The following POU6F2 variants were observed in gnomAD, a reference collection of about 807,000 sequenced individuals.
POU6F2 encodes the protein POU class 6 homeobox 2, also known as POU domain, class 6, transcription factor 2.
A neutral mutation model predicts 71.3 loss-of-function variants in POU6F2; 31 were observed. The observed-to-expected ratio is 0.43, with a 90% CI of 0.33 to 0.59. The LOEUF is 0.59. Among genes scored for constraint, POU6F2 ranks in the 20% least tolerant of loss-of-function variants. The pLI, the probability that POU6F2 is intolerant of heterozygous loss-of-function variation, is 0.04. For synonymous variants in POU6F2, 347 were observed against 355.7 expected (o/e 0.98, Z 0.27); for missense variants, 783 against 856.8 (o/e 0.91, Z 1.07).
At chr7:39,162,530 C>T (rs1170747627) in intron 2 of POU6F2, among the ~76,000 whole-genome samples, 2 of 152,144 alleles carry the variant, frequency 1.3e-5, no homozygotes, top group African/African-American at 2.4e-5. Flanking sequence ...GCTTTTTCCA[C>T]GATCAGATAG....
chr7:39,269,528 A>G (rs1364980707), intron 4 of POU6F2, among the ~76,000 whole-genome samples: 1 of 152,220 alleles, frequency 6.6e-6, no homozygotes, highest in Non-Finnish European at 1.5e-5. Context: ...TGGATAGTTG[A>G]GGCTAAGCTA....
At position 39,116,759 on chromosome 7, in the gene POU6F2, G is replaced by A. The variant is rs1791938634; in HGVS notation, c.277+30728G>A. Among the ~76,000 whole-genome samples the A allele has an allele frequency of 2.6e-5, 4 of 151,962 alleles. No individual in the cohort carries two copies. The South Asian group carries it at 8.3e-4, about 32-fold the overall frequency. On this transcript the variant is annotated intron_variant, in intron 2 of 9. Transcript: ENST00000518318. ...TTTGTCTCCCCTCCCTCCAGTGTTA[G>A]ATATCCTGATGACCTCCCTCCTTCC...
At chr7:39,053,799 C>A (rs1287803697) in intron 1 of POU6F2, among the ~76,000 whole-genome samples, 2 of 151,752 alleles carry the variant, frequency 1.3e-5, no homozygotes, top group African/African-American at 4.8e-5. Flanking sequence ...AATAGAACAA[C>A]AAAATGAAAT....
intron 5 of POU6F2, among the ~76,000 whole-genome samples, chr7:39,388,706 C>A (rs570979391): frequency 4.7e-4 from 72 of 152,162 alleles, no homozygotes; most frequent in African/African-American, 1.6e-3. Context: ...CTGAGAAAAA[C>A]AAAAATCAAA....
At chr7:39,272,136 C>T (rs563738285) in intron 4 of POU6F2, among the ~76,000 whole-genome samples, 1 of 152,142 alleles carries the variant, frequency 6.6e-6, no homozygotes, top group Non-Finnish European at 1.5e-5. Context: ...AGAAATAACC[C>T]AGGATCATAG....
chr7:39,300,667 C>T (rs998930357), intron 4 of POU6F2, among the ~76,000 whole-genome samples: 1 of 152,040 alleles, frequency 6.6e-6, no homozygotes, highest in Non-Finnish European at 1.5e-5. Context: ...CTCTCCTTGG[C>T]TTGCAGATGG....
intron 2 of POU6F2, among the ~76,000 whole-genome samples, chr7:39,144,925 C>T (rs1349365556): frequency 1.3e-5 from 2 of 152,124 alleles, no homozygotes; most frequent in African/African-American, 4.8e-5. Flanking sequence ...CACTGGAGTT[C>T]AAGTGGCCCA....
chr7:39,344,652 C>A (rs1583540194), intron 5 of POU6F2, among the ~76,000 whole-genome samples: 1 of 28,884 alleles, frequency 3.5e-5, no homozygotes, highest in East Asian at 2.7e-3. Context: ...CAAACCCCCT[C>A]CCCCCCCAGC....
At chr7:39,225,314 G>A (rs569642276) in intron 4 of POU6F2, among the ~76,000 whole-genome samples, 24 of 152,186 alleles carry the variant, frequency 1.6e-4, no homozygotes, top group Admixed American at 2.6e-4. Flanking sequence ...GCTAAAGCTC[G>A]AAAAGAGGGC....
At chr7:39,204,124 C>A in intron 2 of POU6F2, 111 bp from the exon 3 acceptor site, 1 of 893,458 alleles carries the variant, frequency 1.1e-6, no homozygotes, top group Non-Finnish European at 1.8e-6. Context: ...GATTTGAGCA[C>A]TGGAGATATT....
intron 2 of POU6F2, among the ~76,000 whole-genome samples, chr7:39,166,951 G>A (rs1380009353): frequency 1.3e-5 from 2 of 152,088 alleles, no homozygotes; most frequent in African/African-American, 4.8e-5. Flanking sequence ...GGAAATTTTT[G>A]TGGGTTTGGC....
At chr7:39,059,674 T>C (rs896863179) in intron 1 of POU6F2, among the ~76,000 whole-genome samples, 1 of 152,172 alleles carries the variant, frequency 6.6e-6, no homozygotes, top group South Asian at 2.1e-4. Flanking sequence ...ATGATATTCC[T>C]AAATCTATTT....
intron 1 of POU6F2, among the ~76,000 whole-genome samples, chr7:39,083,325 G>T (rs1791165849): frequency 6.6e-6 from 1 of 152,136 alleles, no homozygotes; most frequent in African/African-American, 2.4e-5. Context: ...GACAGAGACT[G>T]GGTGTCTTAA....
chr7:39,078,940 G>T (rs1330355995), intron 1 of POU6F2, among the ~76,000 whole-genome samples: 1 of 152,024 alleles, frequency 6.6e-6, no homozygotes. Context: ...ATAAAGGGAG[G>T]ATCTGGGCAG....
intron 4 of POU6F2, among the ~76,000 whole-genome samples, chr7:39,335,903 A>G (rs1785763698): frequency 6.6e-6 from 1 of 152,220 alleles, no homozygotes. Flanking sequence ...CCTTTCCAGT[A>G]GGCACAATGT....
At position 39,453,995 on chromosome 7, in the gene POU6F2, C is replaced by A. The variant is rs1788724959; in HGVS notation, c.1489+2294C>A. Among the ~76,000 whole-genome samples, 3 of 152,162 alleles carry A rather than the reference C, an allele frequency of 2.0e-5. No homozygotes were observed. The South Asian group carries it at 6.2e-4, about 32-fold the overall frequency. On this transcript the variant is annotated intron_variant, in intron 8 of 9. Transcript: ENST00000518318. ...GACTTGAGTTGCCACAAATTTTGAG[C>A]ATGTTGTTTAGTTAAATCCCTTCTG...
chr7:39,385,991 G>A (rs966338318), intron 5 of POU6F2, among the ~76,000 whole-genome samples: 26 of 151,896 alleles, frequency 1.7e-4, no homozygotes, highest in African/African-American at 3.1e-4. Flanking sequence ...GGTGGCGGGC[G>A]CCTATAGTCC....
chr7:39,135,844 G>T (rs1792378536), intron 2 of POU6F2, among the ~76,000 whole-genome samples: 1 of 152,284 alleles, frequency 6.6e-6, no homozygotes, highest in African/African-American at 2.4e-5. Flanking sequence ...TTATGGTTCT[G>T]TGATGACAGC....
rs10248133 is a variant in POU6F2 at position 39,125,752 on chromosome 7, A to T, written c.277+39721A>T. ...TTTGCATATACATTTGTTAAAAAAAAATATTGATTTCTAGATTAATGCACT... is the reference window on the plus strand; with the variant it reads ...TTTGCATATACATTTGTTAAAAAAATATATTGATTTCTAGATTAATGCACT... On this transcript the variant is annotated intron_variant, in intron 2 of 9. Coordinates refer to ENST00000518318, the MANE Select transcript of POU6F2 (RefSeq NM_001370959.1). Among the ~76,000 whole-genome samples, 980 of 152,310 alleles carry T rather than the reference A, an allele frequency of 6.4e-3. 10 individuals are homozygous for T. Among genetic ancestry groups the T allele is most frequent in the South Asian group, 0.011 (53 of 4,828 alleles).
Sources: gnomAD v4.1 joint callset for allele counts (sites outside exome capture counted in the v4.1 genomes callset) on GRCh38, gnomAD v4.1.1 for gene constraint, MANE v1.5 for transcripts, NCBI Gene and HGNC (gene_info 2026-07-23, HGNC 2026-07-21) for gene names.